The following MCPH1 variants were observed in gnomAD, a reference collection of about 807,000 sequenced individuals.
The protein encoded by MCPH1 is microcephalin.
A neutral mutation model predicts 84.5 loss-of-function variants in MCPH1; 104 were observed. The observed-to-expected ratio is 1.23, with a 90% CI of 1.05 to 1.45. The LOEUF (loss-of-function observed/expected upper bound fraction) is 1.45, where lower values mean the gene tolerates loss of function less well. MCPH1 is among the 40% of genes most tolerant of loss of function. MCPH1 has a pLI of 0.00. For missense variants in MCPH1, 1,498 were observed against 1,005.7 expected (o/e 1.49, Z -6.62); for synonymous variants, 514 against 366.8 (o/e 1.40, Z -4.58).
intron 9 of MCPH1, among the ~76,000 whole-genome samples, chr8:6,474,907 A>T (rs60964326): frequency 0.016 from 2,461 of 152,334 alleles, 71 homozygotes; most frequent in African/African-American, 0.057. Context: ...AACCCCAAAT[A>T]TTCAACTAGT....
At chr8:6,598,802 A>T (rs1829135284) in intron 12 of MCPH1, among the ~76,000 whole-genome samples, 1 of 152,222 alleles carries the variant, frequency 6.6e-6, no homozygotes, top group Admixed American at 6.5e-5. Flanking sequence ...AACACTTCAG[A>T]GAGCGGATGG....
intron 11 of MCPH1, among the ~76,000 whole-genome samples, chr8:6,499,474 T>A (rs932160368): frequency 1.3e-5 from 2 of 152,222 alleles, no homozygotes; most frequent in African/African-American, 4.8e-5. Flanking sequence ...TTTAATTCAC[T>A]GTTTTAATTA....
At chr8:6,633,363 T>C (rs749968033) in intron 13 of MCPH1, among the ~76,000 whole-genome samples, 1 of 152,252 alleles carries the variant, frequency 6.6e-6, no homozygotes, top group Non-Finnish European at 1.5e-5. Flanking sequence ...CTGAAATCTT[T>C]AGCATTTGTA....
intron 12 of MCPH1, among the ~76,000 whole-genome samples, chr8:6,558,030 C>A (rs374551878): frequency 6.6e-6 from 1 of 152,272 alleles, no homozygotes; most frequent in African/African-American, 2.4e-5. Context: ...CTGCCCCTGC[C>A]CCCACACGCA....
chr8:6,410,493 A>T (rs771597900), intron 2 of MCPH1, among the ~76,000 whole-genome samples: 1 of 152,196 alleles, frequency 6.6e-6, no homozygotes, highest in East Asian at 1.9e-4. Context: ...GCCTTATTCA[A>T]GGTTTCTTAG....
chr8:6,427,288 A>G (rs996092232), intron 3 of MCPH1, among the ~76,000 whole-genome samples: 3 of 152,204 alleles, frequency 2.0e-5, no homozygotes, highest in African/African-American at 7.2e-5. Flanking sequence ...GGACATTACT[A>G]CTATACAGTA....
Position 6,444,680 on chromosome 8 carries a change from G to A in MCPH1, c.958G>A (p.Gly320Ser). 4 of 1,614,066 alleles carry A rather than the reference G, an allele frequency of 2.5e-6. No individual in the cohort carries two copies. Among genetic ancestry groups the A allele is most frequent in the Non-Finnish European group, 2.5e-6 (3 of 1,180,020 alleles). The change falls in exon 8 of 14, where the codon GGT becomes AGT. Residue 320 changes from glycine (G) to serine (S), a missense_variant. Physicochemically the swap from Gly to Ser is moderately conservative, Grantham distance 56 (BLOSUM62 0). Transcript: ENST00000344683. ...VVTPDQKQAA[G>S]MSQETFEEKY... is the part of the protein sequence containing the mutation. ...CACCCCTGACCAAAAGCAGGCTGCA[G>A]GTATGTCTCAGGAGACGTTTGAAGA... is the stretch of plus-strand genomic sequence containing the variant.
chr8:6,458,671 G>A (rs1805957024), intron 9 of MCPH1, among the ~76,000 whole-genome samples: 1 of 152,074 alleles, frequency 6.6e-6, no homozygotes, highest in Non-Finnish European at 1.5e-5. Context: ...CTGAGATGGA[G>A]TATCACTCTG....
chr8:6,498,625 C>T (rs764639149), intron 11 of MCPH1, among the ~76,000 whole-genome samples: 4 of 152,134 alleles, frequency 2.6e-5, no homozygotes, highest in African/African-American at 4.8e-5. Flanking sequence ...GAATGCCGCA[C>T]GCATTTTTAA....
intron 12 of MCPH1, among the ~76,000 whole-genome samples, chr8:6,570,380 T>C (rs1586669098): frequency 6.6e-6 from 1 of 152,234 alleles, no homozygotes; most frequent in South Asian, 2.1e-4. Context: ...GTATATTTTG[T>C]TAAAAATAAG....
intron 13 of MCPH1, among the ~76,000 whole-genome samples, chr8:6,632,262 A>T (rs1351851261): frequency 6.6e-6 from 1 of 152,232 alleles, no homozygotes; most frequent in African/African-American, 2.4e-5. Context: ...AATTAATAGT[A>T]GTGATGGCTG....
chr8:6,609,828 C>CCACCCA (rs1554476436), intron 12 of MCPH1, among the ~76,000 whole-genome samples: 2 of 108,860 alleles, frequency 1.8e-5, no homozygotes, highest in South Asian at 8.2e-4. Context: ...CGCCCCCCCC[C>CCACCCA]CACACACAGA....
intron 11 of MCPH1, among the ~76,000 whole-genome samples, chr8:6,495,916 T>A: frequency 6.6e-6 from 1 of 152,216 alleles, no homozygotes; most frequent in Non-Finnish European, 1.5e-5. Flanking sequence ...TTTTAATTAA[T>A]CAGTGATATT....
intron 9 of MCPH1, among the ~76,000 whole-genome samples, chr8:6,473,493 G>A (rs1260505686): frequency 6.6e-6 from 1 of 151,766 alleles, no homozygotes; most frequent in Non-Finnish European, 1.5e-5. Context: ...CACCATGCCC[G>A]GCTAATTTTT....
At chr8:6,568,091 A>G (rs1412059295) in intron 12 of MCPH1, among the ~76,000 whole-genome samples, 1 of 152,192 alleles carries the variant, frequency 6.6e-6, no homozygotes, top group East Asian at 1.9e-4. Flanking sequence ...CAGAAAAACC[A>G]TAGCTACCTA....
At chr8:6,445,897 G>T in intron 8 of MCPH1, 1 of 1,013,364 alleles carries the variant, frequency 9.9e-7, no homozygotes, top group Non-Finnish European at 1.2e-6. Flanking sequence ...GTGTAAAGAT[G>T]TATACGATAG....
chr8:6,412,831 A>C (rs1798728306), intron 2 of MCPH1, among the ~76,000 whole-genome samples: 1 of 152,176 alleles, frequency 6.6e-6, no homozygotes, highest in East Asian at 1.9e-4. Context: ...TGAGAGAGAG[A>C]GAGAGTTATA....
chr8:6,406,772 G>T, intron 1 of MCPH1, 83 bp downstream of exon 1: 1 of 1,491,786 alleles, frequency 6.7e-7, no homozygotes, highest in Non-Finnish European at 9.3e-7. Flanking sequence ...GGGGGATCCC[G>T]TGGGAGGAGC....
intron 2 of MCPH1, among the ~76,000 whole-genome samples, chr8:6,413,057 T>C (rs1373313): frequency 0.97 from 148,157 of 152,352 alleles, 72,173 homozygotes; most frequent in East Asian, 1. Context: ...CTATAAAAAT[T>C]ATGCAGATGA....
Sources: gnomAD v4.1 joint callset for allele counts (sites outside exome capture counted in the v4.1 genomes callset) on GRCh38, gnomAD v4.1.1 for gene constraint, MANE v1.5 for transcripts, NCBI Gene and HGNC (gene_info 2026-07-23, HGNC 2026-07-21) for gene names.